CSMD1: variants seen among roughly 807,000 people sequenced by gnomAD.
CSMD1 encodes CUB and sushi domain-containing protein 1.
Under a neutral mutation model 417.5 loss-of-function variants are expected in CSMD1, and 213 were observed. The observed-to-expected ratio is 0.51, with a 90% confidence interval of 0.46 to 0.57. CSMD1 has a LOEUF of 0.57. Ranked by LOEUF, CSMD1 falls within the 20% of genes least tolerant of loss-of-function variation. The pLI is 0.00. For synonymous variants in CSMD1, 2,862 were observed against 1,736.8 expected, an observed-to-expected ratio of 1.65 and a Z score of -16.11; for missense variants, 6,923 against 4,529.7, an observed-to-expected ratio of 1.53 and a Z score of -15.17.
intron 3 of CSMD1, among the ~76,000 whole-genome samples, chr8:4,188,754 T>C (rs11774658): frequency 0.86 from 130,572 of 151,948 alleles, 56,215 homozygotes; most frequent in South Asian, 0.9. Context: ...AAAAGAAAGA[T>C]ACACAGATTT....
chr8:4,968,945 A>G (rs7823766), intron 1 of CSMD1, among the ~76,000 whole-genome samples: 61,708 of 151,880 alleles, frequency 0.41, 12,860 homozygotes, highest in Non-Finnish European at 0.44. Flanking sequence ...CATTCTCTCC[A>G]TCACTCCATG....
intron 3 of CSMD1, among the ~76,000 whole-genome samples, chr8:4,281,873 T>G (rs1043888835): frequency 2.0e-5 from 3 of 152,202 alleles, no homozygotes; most frequent in African/African-American, 7.2e-5. Flanking sequence ...AAAAAATGTT[T>G]TGCAAATGAC....
intron 49 of CSMD1, among the ~76,000 whole-genome samples, chr8:3,072,195 T>C (rs1813364283): frequency 6.6e-6 from 1 of 152,166 alleles, no homozygotes; most frequent in South Asian, 2.1e-4. Flanking sequence ...ATTCAAACTA[T>C]TACAATTAGA....
At chr8:4,483,774 T>C (rs1467514332) in intron 2 of CSMD1, among the ~76,000 whole-genome samples, 1 of 152,232 alleles carries the variant, frequency 6.6e-6, no homozygotes, top group African/African-American at 2.4e-5. Flanking sequence ...AAGAACTGGT[T>C]TACCATTTAA....
chr8:3,190,759 G>C (rs1316991453), intron 33 of CSMD1, among the ~76,000 whole-genome samples: 1 of 152,190 alleles, frequency 6.6e-6, no homozygotes, highest in Non-Finnish European at 1.5e-5. Flanking sequence ...CAGATGAACA[G>C]ATAAAGAAAA....
At chr8:3,503,718 G>A (rs901652840) in intron 10 of CSMD1, among the ~76,000 whole-genome samples, 9 of 152,166 alleles carry the variant, frequency 5.9e-5, no homozygotes, top group Non-Finnish European at 1.3e-4. Context: ...CACTGGAAAG[G>A]ATTCCTGAGA....
chr8:4,068,416 A>C lies in CSMD1; in HGVS notation c.416-36317T>G, dbSNP rs1799371664. On this transcript the variant is annotated intron_variant, in intron 3 of 69. Coordinates refer to ENST00000635120, the MANE Select transcript of CSMD1 (RefSeq NM_033225.6). ...TATTTCACACTGGGGAGAGACATGA[A>C]AAGCACGGTTACAGAAAATTAAATG... 2.6e-5 allele frequency among the ~76,000 whole-genome samples: 4 copies of C among 152,300 alleles called. No homozygotes were observed. The Middle Eastern group carries it at 0.014, about 518-fold the overall frequency.
chr8:3,301,041 C>G (rs1017596389), intron 25 of CSMD1, among the ~76,000 whole-genome samples: 1 of 147,900 alleles, frequency 6.8e-6, no homozygotes, highest in Non-Finnish European at 1.5e-5. Context: ...TTTAATGGTA[C>G]ATGTCCACAC....
intron 2 of CSMD1, among the ~76,000 whole-genome samples, chr8:4,602,476 G>C (rs1024684789): frequency 4.6e-5 from 7 of 152,170 alleles, no homozygotes; most frequent in African/African-American, 1.7e-4. Context: ...AATATGGCCA[G>C]AGCTGTCCAG....
intron 51 of CSMD1, among the ~76,000 whole-genome samples, chr8:3,020,987 G>A (rs1809323640): frequency 6.6e-6 from 1 of 152,192 alleles, no homozygotes; most frequent in Non-Finnish European, 1.5e-5. Context: ...CCCAAACAGG[G>A]TGAACTTGTC....
intron 38 of CSMD1, among the ~76,000 whole-genome samples, chr8:3,159,331 T>C (rs1415926993): frequency 6.6e-6 from 1 of 152,172 alleles, no homozygotes; most frequent in Admixed American, 6.5e-5. Flanking sequence ...ACCCTGTGCA[T>C]TTATTTACTA....
intron 1 of CSMD1, among the ~76,000 whole-genome samples, chr8:4,724,067 T>C (rs1809252118): frequency 6.6e-6 from 1 of 152,166 alleles, no homozygotes; most frequent in Admixed American, 6.6e-5. Context: ...GAAAATAGTT[T>C]AAACAATCTA....
At chr8:4,210,572 C>G (rs910561913) in intron 3 of CSMD1, among the ~76,000 whole-genome samples, 1 of 152,240 alleles carries the variant, frequency 6.6e-6, no homozygotes, top group Non-Finnish European at 1.5e-5. Context: ...AACACAATAT[C>G]TGACCAATTT....
At chr8:3,560,333 T>C (rs1192374179) in intron 10 of CSMD1, among the ~76,000 whole-genome samples, 1 of 152,132 alleles carries the variant, frequency 6.6e-6, no homozygotes, top group Admixed American at 6.5e-5. Flanking sequence ...TTAGTGAAGG[T>C]ACCTATCATT....
At chr8:4,270,831 G>C (rs1416704700) in intron 3 of CSMD1, among the ~76,000 whole-genome samples, 2 of 152,106 alleles carry the variant, frequency 1.3e-5, no homozygotes, top group African/African-American at 4.8e-5. Context: ...ACCACACTCC[G>C]TGACTTCCCC....
intron 65 of CSMD1, among the ~76,000 whole-genome samples, chr8:2,951,841 A>T (rs1030015856): frequency 6.6e-6 from 1 of 152,168 alleles, no homozygotes; most frequent in Non-Finnish European, 1.5e-5. Context: ...TCTGTCATTC[A>T]TACTCTTCTG....
chr8:4,003,411 A>AAAGC (rs1554513230), intron 4 of CSMD1, among the ~76,000 whole-genome samples: 1 of 129,710 alleles, frequency 7.7e-6, no homozygotes, highest in South Asian at 2.7e-4. Flanking sequence ...AACAAACAAA[A>AAAGC]AAACAAACAA....
intron 37 of CSMD1, among the ~76,000 whole-genome samples, chr8:3,172,627 C>T (rs879819388): frequency 1.3e-5 from 2 of 151,950 alleles, no homozygotes; most frequent in East Asian, 1.9e-4. Context: ...TGGTGGTGCA[C>T]GTAGGGAACC....
At chr8:4,066,476 G>A (rs535033058) in intron 3 of CSMD1, among the ~76,000 whole-genome samples, 2 of 152,146 alleles carry the variant, frequency 1.3e-5, no homozygotes, top group East Asian at 1.9e-4. Flanking sequence ...AATGATGTAA[G>A]CATTAATTAA....
Sources: allele counts gnomAD v4.1 joint callset (sites outside exome capture counted in the v4.1 genomes callset), GRCh38; gene constraint gnomAD v4.1.1; transcripts MANE v1.5; gene names NCBI Gene and HGNC (gene_info 2026-07-23, HGNC 2026-07-21).